Variants in PPP2R2C observed in about 807,000 individuals in gnomAD.
The protein encoded by PPP2R2C is protein phosphatase 2, regulatory subunit B, gamma.
PPP2R2C carries 10 observed loss-of-function variants against 45.3 expected under a neutral mutation model. That is an observed-to-expected ratio of 0.22 (90% CI 0.14 to 0.37). The LOEUF (loss-of-function observed/expected upper bound fraction) is 0.37, where lower values mean the gene tolerates loss of function less well. Among genes scored for constraint, PPP2R2C ranks in the 10% least tolerant of loss-of-function variants. The pLI is 1.00. For synonymous variants in PPP2R2C, 257 were observed against 245.4 expected (o/e 1.05, Z -0.44); for missense variants, 308 against 619.7 (o/e 0.50, Z 5.34).
At chr4:6,511,504 ATGGTGGTGGTGGTGGTGG>A (rs1268380529) in intron 2 of PPP2R2C, among the ~76,000 whole-genome samples, 1 of 9,612 alleles carries the variant, frequency 1.0e-4, no homozygotes, top group Admixed American at 1.1e-3. Context: ...GATGGCGGTG[ATGGTGGTGGTGGTGGTGG>A]TGATGGTGGT....
chr4:6,469,573 G>C (rs1194337732), intron 1 of PPP2R2C, among the ~76,000 whole-genome samples: 1 of 152,154 alleles, frequency 6.6e-6, no homozygotes, highest in Non-Finnish European at 1.5e-5. Context: ...TTTGATATTA[G>C]CAAAATCACT....
chr4:6,464,276 A>T lies in PPP2R2C; in HGVS notation c.70+7884T>A, dbSNP rs139832064. ...TTATTTCATCCTAAAGTCCACTTGG[A>T]TCATTCTGCTCAAGGGCTTAATGGT... On this transcript the variant is annotated intron_variant, in intron 1 of 8. Coordinates refer to ENST00000382599, the MANE Select transcript of PPP2R2C (RefSeq NM_020416.4). Among the ~76,000 whole-genome samples the T allele has an allele frequency of 3.9e-5, 6 of 152,314 alleles. No homozygotes were observed. In the East Asian group the frequency reaches 1.2e-3, roughly 29 times the overall value.
intron 1 of PPP2R2C, among the ~76,000 whole-genome samples, chr4:6,409,912 T>C (rs1718047958): frequency 6.6e-6 from 1 of 152,214 alleles, no homozygotes; most frequent in South Asian, 2.1e-4. Context: ...ATCTGGTGGA[T>C]GAAAGTTCCA....
chr4:6,472,253 G>C lies in PPP2R2C; in HGVS notation c.-24C>G. ...ATTGAAGGCCGTGCCCGGTGCTCTGGGCATGCCCCGCCGCCACACACCGAT... is the reference window on the plus strand; with the variant it reads ...ATTGAAGGCCGTGCCCGGTGCTCTGCGCATGCCCCGCCGCCACACACCGAT... On this transcript the variant is annotated 5_prime_UTR_variant, in exon 1 of 9. Coordinates refer to ENST00000382599, the MANE Select transcript of PPP2R2C (RefSeq NM_020416.4). The C allele has an allele frequency of 6.2e-7, 1 of 1,611,690 alleles. No individual in the cohort carries two copies. The highest frequency in any genetic ancestry group is 8.5e-7 in the Non-Finnish European group (1 of 1,178,766).
At chr4:6,365,516 G>A (rs59652322) in intron 5 of PPP2R2C, among the ~76,000 whole-genome samples, 16,669 of 152,242 alleles carry the variant, frequency 0.11, 3,020 homozygotes, top group African/African-American at 0.38. Context: ...GGGATAAAGG[G>A]GGTGCAGAAA....
Position 6,331,962 on chromosome 4 carries a change from G to A in PPP2R2C, c.960+1600C>T, listed in dbSNP as rs536890134. Among the ~76,000 whole-genome samples the A allele has an allele frequency of 1.3e-5, 2 of 152,296 alleles. No individual in the cohort carries two copies. The highest frequency in any genetic ancestry group is 4.1e-4 in the South Asian group (2 of 4,826). On this transcript the variant is annotated intron_variant, in intron 7 of 8. Coordinates refer to ENST00000382599, the MANE Select transcript of PPP2R2C (RefSeq NM_020416.4). This position sits in a 1 kb window ranked among gnomAD's most constrained non-coding sequence, Gnocchi z 5.9. ...GTTGTGCTGCTTTTATGTAGTTATT[G>A]CTATTATTTTAGCATCAATAGGTCA...
At chr4:6,459,732 A>G (rs1300173274) in intron 1 of PPP2R2C, among the ~76,000 whole-genome samples, 1 of 152,190 alleles carries the variant, frequency 6.6e-6, no homozygotes, top group Non-Finnish European at 1.5e-5. Flanking sequence ...GGTTGCAGTG[A>G]GCCAAGATCA....
Position 6,442,646 on chromosome 4 carries a change from G to A in PPP2R2C, c.70+29514C>T, listed in dbSNP as rs115139438. Among the ~76,000 whole-genome samples the A allele has an allele frequency of 4.6e-3, 697 of 152,320 alleles. 6 individuals carry two copies. Among genetic ancestry groups the A allele is most frequent in the African/African-American group, 0.015 (628 of 41,572 alleles). ...TTCCTGCGTACCAGGCACTCACTCC[G>A]TGTTTTATATGAATTAACTCACTTA... On this transcript the variant is annotated intron_variant, in intron 1 of 8. Coordinates refer to ENST00000382599, the MANE Select transcript of PPP2R2C (RefSeq NM_020416.4).
chr4:6,446,045 G>A (rs1560552866), intron 1 of PPP2R2C, among the ~76,000 whole-genome samples: 2 of 152,208 alleles, frequency 1.3e-5, no homozygotes, highest in African/African-American at 4.8e-5. Flanking sequence ...TCCTGGCTGA[G>A]TGACTCCAGT....
intron 1 of PPP2R2C, among the ~76,000 whole-genome samples, chr4:6,392,262 C>A (rs1224634166): frequency 6.6e-6 from 1 of 152,182 alleles, no homozygotes; most frequent in African/African-American, 2.4e-5. Context: ...AACTGAGCAC[C>A]TACCCTCTCC....
At chr4:6,537,841 C>G (rs922341784) in intron 1 of PPP2R2C, among the ~76,000 whole-genome samples, 1 of 152,106 alleles carries the variant, frequency 6.6e-6, no homozygotes, top group Non-Finnish European at 1.5e-5. Context: ...TGAGCCACCA[C>G]GCCCGGCCAA....
intron 1 of PPP2R2C, among the ~76,000 whole-genome samples, chr4:6,465,445 A>C (rs1431354668): frequency 1.3e-5 from 2 of 152,192 alleles, no homozygotes; most frequent in Non-Finnish European, 2.9e-5. Context: ...AGGAGGTAGA[A>C]GGCAGGGCCA....
chr4:6,353,144 T>C (rs1398758308), intron 5 of PPP2R2C, among the ~76,000 whole-genome samples: 1 of 151,958 alleles, frequency 6.6e-6, no homozygotes, highest in Non-Finnish European at 1.5e-5. Context: ...TTTGAAGCCA[T>C]GAAGGTTATG....
intron 1 of PPP2R2C, among the ~76,000 whole-genome samples, chr4:6,416,687 C>T (rs905219425): frequency 6.6e-6 from 1 of 152,250 alleles, no homozygotes; most frequent in African/African-American, 2.4e-5. Context: ...CCAACACGCC[C>T]TCCAGCCCGG....
rs149991538 is a variant in PPP2R2C, at chr4:6,369,695, C to G, written c.625+2828G>C. Among the ~76,000 whole-genome samples the G allele has an allele frequency of 4.0e-4, 61 of 152,314 alleles. 2 individuals are homozygous for G. Among genetic ancestry groups the G allele is most frequent in the African/African-American group, 1.4e-3 (60 of 41,572 alleles). ...CTGCACACCCATGCCCTCAGGCAGC[C>G]TCCTCGAGCCCAGGGAGCTTCCTAC... is the stretch of plus-strand genomic sequence containing the variant. On this transcript the variant is annotated intron_variant, in intron 5 of 8. Coordinates refer to ENST00000382599, the MANE Select transcript of PPP2R2C (RefSeq NM_020416.4).
At chr4:6,361,447 T>C (rs1349316572) in intron 5 of PPP2R2C, among the ~76,000 whole-genome samples, 1 of 152,260 alleles carries the variant, frequency 6.6e-6, no homozygotes. Context: ...TGTGATCTCT[T>C]GAAAACTCAG....
At chr4:6,373,719 C>G (rs1715051129) in intron 4 of PPP2R2C, among the ~76,000 whole-genome samples, 1 of 152,232 alleles carries the variant, frequency 6.6e-6, no homozygotes, top group Non-Finnish European at 1.5e-5. Flanking sequence ...GTCGGAGTGA[C>G]AAGCACTGAG....
chr4:6,534,244 TAC>T (rs977461602), intron 2 of PPP2R2C, among the ~76,000 whole-genome samples: 2 of 103,554 alleles, frequency 1.9e-5, no homozygotes, highest in African/African-American at 7.7e-5. Flanking sequence ...CCAACACACA[TAC>T]ACACACAGTA....
At chr4:6,535,772 C>T (rs1052628113) in intron 1 of PPP2R2C, among the ~76,000 whole-genome samples, 5 of 152,134 alleles carry the variant, frequency 3.3e-5, no homozygotes, top group African/African-American at 7.2e-5. Context: ...CTAGAAGCCC[C>T]GCCCCACCCC....
Sources: allele counts gnomAD v4.1 joint callset (sites outside exome capture counted in the v4.1 genomes callset), GRCh38; gene constraint gnomAD v4.1.1; non-coding constraint Gnocchi (gnomAD v3.1); transcripts MANE v1.5; gene names NCBI Gene and HGNC (gene_info 2026-07-23, HGNC 2026-07-21).